DCLK2: variants seen among roughly 807,000 people sequenced by gnomAD.
DCLK2 encodes doublecortin like kinase 2, also known as serine/threonine-protein kinase DCLK2.
DCLK2 carries 31 observed loss-of-function variants against 78.4 expected under a neutral mutation model. The ratio of observed to expected loss-of-function variants is 0.40; its 90% CI spans 0.30 to 0.53. The LOEUF is 0.53. Among genes scored for constraint, DCLK2 ranks in the 20% least tolerant of loss-of-function variants. The pLI, the probability that DCLK2 is intolerant of heterozygous loss-of-function variation, is 0.61. For missense variants in DCLK2, 872 were observed against 973.7 expected, an observed-to-expected ratio of 0.90 and a Z score of 1.39; for synonymous variants, 407 against 374.9, an observed-to-expected ratio of 1.09 and a Z score of -0.99.
intron 5 of DCLK2, among the ~76,000 whole-genome samples, chr4:150,204,128 C>G (rs1041499205): frequency 9.2e-5 from 14 of 152,096 alleles, no homozygotes; most frequent in Non-Finnish European, 1.5e-4. Context: ...TTGTGGTGTT[C>G]TTATTTTAGA....
intron 2 of DCLK2, among the ~76,000 whole-genome samples, chr4:150,153,606 G>T (rs1320377785): frequency 6.6e-6 from 1 of 151,894 alleles, no homozygotes; most frequent in Non-Finnish European, 1.5e-5. Context: ...TAGAGACGGG[G>T]TTTTTTCCAT....
intron 2 of DCLK2, among the ~76,000 whole-genome samples, chr4:150,147,365 G>A (rs371582522): frequency 1.1e-4 from 17 of 152,146 alleles, no homozygotes; most frequent in African/African-American, 3.6e-4. Context: ...AGTGGGAACT[G>A]ATATTTTCAG....
At chr4:150,095,287 TCTTG>T (rs1730376816) in intron 1 of DCLK2, among the ~76,000 whole-genome samples, 2 of 152,286 alleles carry the variant, frequency 1.3e-5, no homozygotes, top group South Asian at 4.1e-4. Context: ...ACAGCCTGGC[TCTTG>T]CTTTTCTTCA....
chr4:150,179,142 C>T (rs1737308168), intron 2 of DCLK2, among the ~76,000 whole-genome samples: 2 of 152,156 alleles, frequency 1.3e-5, no homozygotes, highest in South Asian at 4.1e-4. Context: ...ATTCTCCTGC[C>T]TCAGCCTCCT....
At chr4:150,176,057 A>G (rs955317626) in intron 2 of DCLK2, among the ~76,000 whole-genome samples, 2 of 152,166 alleles carry the variant, frequency 1.3e-5, no homozygotes, top group Admixed American at 1.3e-4. Flanking sequence ...CGGAAGTAAC[A>G]TTTATTTACG....
At chr4:150,150,828 G>A (rs976254363) in intron 2 of DCLK2, among the ~76,000 whole-genome samples, 2 of 152,240 alleles carry the variant, frequency 1.3e-5, no homozygotes, top group Admixed American at 1.3e-4. Flanking sequence ...TGTGCTGTGA[G>A]TGTCCTGTGA....
chr4:150,134,017 A>G (rs1733512598), intron 2 of DCLK2, among the ~76,000 whole-genome samples: 1 of 152,048 alleles, frequency 6.6e-6, no homozygotes, highest in Non-Finnish European at 1.5e-5. Context: ...AAATTCAGGA[A>G]ATGAGAATTA....
chr4:150,140,202 A>T (rs866602750), intron 2 of DCLK2, among the ~76,000 whole-genome samples: 2 of 152,240 alleles, frequency 1.3e-5, no homozygotes. Context: ...TCTAAAACTG[A>T]ACAGAAAGGT....
intron 2 of DCLK2, among the ~76,000 whole-genome samples, chr4:150,106,702 C>T (rs966203658): frequency 2.0e-5 from 3 of 152,136 alleles, no homozygotes; most frequent in Non-Finnish European, 4.4e-5. Context: ...GCTGGTTATC[C>T]TTTGAGTTTG....
At chr4:150,173,024 C>G (rs1736670014) in intron 2 of DCLK2, among the ~76,000 whole-genome samples, 1 of 152,108 alleles carries the variant, frequency 6.6e-6, no homozygotes. Flanking sequence ...TAGGTCTCTT[C>G]TAGTTTTATT....
intron 7 of DCLK2, among the ~76,000 whole-genome samples, chr4:150,224,148 A>G (rs566571744): frequency 9.5e-4 from 145 of 152,274 alleles, no homozygotes; most frequent in African/African-American, 3.0e-3. Context: ...TTTAATTAAC[A>G]TACAGTATGG....
intron 2 of DCLK2, among the ~76,000 whole-genome samples, chr4:150,161,181 A>T (rs1044029312): frequency 3.3e-5 from 5 of 152,222 alleles, no homozygotes; most frequent in Admixed American, 1.3e-4. Flanking sequence ...GTAAGTGAGG[A>T]AGCATCTCTT....
intron 1 of DCLK2, among the ~76,000 whole-genome samples, chr4:150,087,299 G>A (rs1427810238): frequency 1.3e-5 from 2 of 152,168 alleles, no homozygotes; most frequent in East Asian, 3.9e-4. Flanking sequence ...GACCTACTCT[G>A]TTACCTTTTG....
chr4:150,100,171 C>T, intron 1 of DCLK2, among the ~76,000 whole-genome samples: 1 of 152,178 alleles, frequency 6.6e-6, no homozygotes, highest in East Asian at 1.9e-4. Flanking sequence ...CCTTGGCCTT[C>T]CAAAGTGCTG....
intron 2 of DCLK2, among the ~76,000 whole-genome samples, chr4:150,109,460 G>A (rs577455261): frequency 6.7e-4 from 102 of 151,860 alleles, no homozygotes; most frequent in South Asian, 2.9e-3. Flanking sequence ...TCAGCCTTCC[G>A]AGTAGCTGAG....
chr4:150,142,003 G>T (rs1734143472), intron 2 of DCLK2, among the ~76,000 whole-genome samples: 1 of 152,088 alleles, frequency 6.6e-6, no homozygotes. Flanking sequence ...AAAAATTTCT[G>T]TAACAATGAA....
chr4:150,188,836 C>T (rs1371359046), intron 2 of DCLK2, among the ~76,000 whole-genome samples: 1 of 142,884 alleles, frequency 7.0e-6, no homozygotes, highest in Non-Finnish European at 1.5e-5. Context: ...ACCTGGGAGG[C>T]AGAGCTTGCA....
At chr4:150,211,336 T>A (rs976871296) in intron 5 of DCLK2, among the ~76,000 whole-genome samples, 12 of 148,404 alleles carry the variant, frequency 8.1e-5, no homozygotes, top group Non-Finnish European at 1.5e-4. Flanking sequence ...AGAGAGAGAG[T>A]GCCATACAGA....
chr4:150,206,278 T>TAGGAAC (rs1739835215), intron 5 of DCLK2, among the ~76,000 whole-genome samples: 1 of 152,170 alleles, frequency 6.6e-6, no homozygotes, highest in Non-Finnish European at 1.5e-5. Context: ...AGACATTAAG[T>TAGGAAC]AAAATTGTTC....
Sources: gnomAD v4.1 joint callset for allele counts (sites outside exome capture counted in the v4.1 genomes callset) on GRCh38, gnomAD v4.1.1 for gene constraint, MANE v1.5 for transcripts, NCBI Gene and HGNC (gene_info 2026-07-23, HGNC 2026-07-21) for gene names.